Variants in PREX1 observed in about 807,000 individuals in gnomAD.
PREX1 encodes the protein phosphatidylinositol-3,4,5-trisphosphate dependent Rac exchange factor 1, also known as phosphatidylinositol 3,4,5-trisphosphate-dependent Rac exchanger 1 protein.
In PREX1, 41 loss-of-function variants were observed where a neutral mutation model predicts 198.3. That is an observed-to-expected ratio of 0.21 (90% CI 0.16 to 0.27). The LOEUF (loss-of-function observed/expected upper bound fraction) is 0.27, where lower values mean the gene tolerates loss of function less well. Ranked by LOEUF, PREX1 falls within the 10% of genes least tolerant of loss-of-function variation. The probability of loss-of-function intolerance (pLI) is 1.00; values close to 1 mark genes in which losing one functional copy is unlikely to be tolerated. For missense variants in PREX1, 1,620 were observed against 2,200.7 expected (o/e 0.74, Z 5.28); for synonymous variants, 843 against 887.2 (o/e 0.95, Z 0.89).
In PREX1 at chr20:48,649,998, T is replaced by C. The variant is rs751828095; in HGVS notation, c.3026A>G (p.Gln1009Arg). The C allele has an allele frequency of 6.2e-7, 1 of 1,613,796 alleles. No homozygotes were observed. The highest frequency in any genetic ancestry group is 8.5e-7 in the Non-Finnish European group (1 of 1,179,772). Residue 1009 changes from glutamine to arginine, a missense_variant and splice_region_variant, in exon 24 of 40, where the codon CAA becomes CGA. Physicochemically the swap from Gln to Arg is conservative, Grantham distance 43. This residue lies in a region of PREX1 where 514 missense variants were observed against 611.6 expected (regional missense o/e 0.84). Coordinates refer to ENST00000371941, the MANE Select transcript of PREX1 (RefSeq NM_020820.4). ...TTCTAATAGACACACACAGGTACCT[T>C]GCTCCGGGTCAAGGCCGATGAGGGA... ...KPSLIGLDPEQGHLNPMSYTQ... is the reference protein window; with the variant it reads ...KPSLIGLDPERGHLNPMSYTQ...
chr20:48,862,867 G>A, the PREX1 span, among the ~76,000 whole-genome samples: 1 of 147,536 alleles, frequency 6.8e-6, no homozygotes, highest in Non-Finnish European at 1.5e-5. Flanking sequence ...TGTTGCCCAG[G>A]CTGGAGCACA....
the PREX1 span, among the ~76,000 whole-genome samples, chr20:48,855,917 A>G: frequency 1.3e-5 from 2 of 152,218 alleles, no homozygotes; most frequent in Non-Finnish European, 2.9e-5. Context: ...AAATAAATAA[A>G]TAAGTAAAGA....
chr20:48,672,177 GC>G (rs1568816511), intron 14 of PREX1, among the ~76,000 whole-genome samples: 1 of 152,128 alleles, frequency 6.6e-6, no homozygotes, highest in African/African-American at 2.4e-5. Flanking sequence ...CAGGGTGAAG[GC>G]CTGAGCCTCC....
At chr20:48,742,029 GGT>G (rs2090084623) in intron 3 of PREX1, among the ~76,000 whole-genome samples, 1 of 152,180 alleles carries the variant, frequency 6.6e-6, no homozygotes, top group Admixed American at 6.6e-5. Flanking sequence ...GTTTCCAGCA[GGT>G]CTCTCTGTTG....
chr20:48,888,053 T>G, the PREX1 span, among the ~76,000 whole-genome samples: 635 of 152,322 alleles, frequency 4.2e-3, 4 homozygotes, highest in African/African-American at 0.015. Flanking sequence ...ACACTGCTGC[T>G]AAAGACACCC....
chr20:48,701,676 T>G (rs906006537), intron 6 of PREX1, among the ~76,000 whole-genome samples: 1 of 152,174 alleles, frequency 6.6e-6, no homozygotes, highest in Admixed American at 6.5e-5. Context: ...CACAACACTC[T>G]CTGGCACACA....
chr20:48,659,245 G>A (rs996110926), intron 16 of PREX1, among the ~76,000 whole-genome samples: 1 of 143,212 alleles, frequency 7.0e-6, no homozygotes, highest in African/African-American at 2.6e-5. Context: ...AGGAAGGAAG[G>A]AAGGAAGGAA....
At chr20:48,796,762 A>G (rs1335636851) in intron 1 of PREX1, among the ~76,000 whole-genome samples, 1 of 147,228 alleles carries the variant, frequency 6.8e-6, no homozygotes, top group African/African-American at 2.5e-5. Context: ...TTATATATAC[A>G]TATATAGTTA....
chr20:48,693,408 G>T (rs748585635), intron 7 of PREX1, among the ~76,000 whole-genome samples: 4 of 86,692 alleles, frequency 4.6e-5, no homozygotes, highest in African/African-American at 8.6e-5. Context: ...TCATGAATGA[G>T]ATTAGGCCCT....
the PREX1 span, among the ~76,000 whole-genome samples, chr20:48,876,900 G>C: frequency 2.0e-5 from 3 of 152,154 alleles, no homozygotes; most frequent in African/African-American, 4.8e-5. Context: ...GTGGGGCTCA[G>C]TCTACCTGTC....
intron 14 of PREX1, among the ~76,000 whole-genome samples, chr20:48,675,409 A>G (rs986189504): frequency 2.0e-5 from 3 of 152,256 alleles, no homozygotes; most frequent in Non-Finnish European, 4.4e-5. Flanking sequence ...AAATAGACTA[A>G]CACACAATCA....
chr20:48,762,258 C>T (rs187531642), intron 1 of PREX1, among the ~76,000 whole-genome samples: 1 of 152,286 alleles, frequency 6.6e-6, no homozygotes, highest in East Asian at 1.9e-4. Context: ...CTTTGGGCTC[C>T]TCAGTTGTTG....
chr20:48,865,916 A>G, the PREX1 span, among the ~76,000 whole-genome samples: 3 of 150,538 alleles, frequency 2.0e-5, no homozygotes, highest in Non-Finnish European at 4.4e-5. Flanking sequence ...GGGGTGACCA[A>G]TTTTTCAGTG....
chr20:48,798,137 G>A (rs1445768220), intron 1 of PREX1, among the ~76,000 whole-genome samples: 1 of 152,104 alleles, frequency 6.6e-6, no homozygotes, highest in South Asian at 2.1e-4. Flanking sequence ...CAAGTCTGCC[G>A]CATCTATCCT....
chr20:48,651,313 C>A, intron 22 of PREX1, 83 bp downstream of exon 22: 1 of 1,505,382 alleles, frequency 6.6e-7, no homozygotes, highest in East Asian at 2.3e-5. Context: ...GTGTCCCACC[C>A]AACTCCTTCT....
chr20:48,789,054 T>C (rs142543613), intron 1 of PREX1, among the ~76,000 whole-genome samples: 1 of 152,342 alleles, frequency 6.6e-6, no homozygotes, highest in Non-Finnish European at 1.5e-5. Flanking sequence ...TCAGGTATTC[T>C]GTTATGAGCA....
At chr20:48,663,844 C>G (rs1263619341) in intron 15 of PREX1, among the ~76,000 whole-genome samples, 1 of 152,178 alleles carries the variant, frequency 6.6e-6, no homozygotes, top group Non-Finnish European at 1.5e-5. Flanking sequence ...TCGCTGGCAT[C>G]CCTGTTTCCT....
At chr20:48,791,341 G>A (rs1203886693) in intron 1 of PREX1, among the ~76,000 whole-genome samples, 3 of 152,174 alleles carry the variant, frequency 2.0e-5, no homozygotes, top group African/African-American at 7.2e-5. Context: ...ACCACGTGCT[G>A]GACGCTGTCC....
chr20:48,643,629 T>C (rs2089430316), intron 27 of PREX1, among the ~76,000 whole-genome samples: 1 of 152,152 alleles, frequency 6.6e-6, no homozygotes. Context: ...CTGGGGGAGA[T>C]GATAAGACTC....
Sources: allele counts gnomAD v4.1 joint callset (sites outside exome capture counted in the v4.1 genomes callset), GRCh38; gene constraint gnomAD v4.1.1; regional missense constraint gnomAD v4.1.1; transcripts MANE v1.5; gene names NCBI Gene and HGNC (gene_info 2026-07-23, HGNC 2026-07-21).